CAST: variants seen among roughly 807,000 people sequenced by gnomAD.
CAST encodes calpastatin, also known as MIR583 host.
CAST carries 76 observed loss-of-function variants against 119.6 expected under a neutral mutation model. That is an observed-to-expected ratio of 0.64 (90% CI 0.53 to 0.77). The LOEUF is 0.77. CAST is among the 30% of genes least tolerant of loss of function. The pLI is 0.00. For synonymous variants in CAST, 319 were observed against 331.6 expected, an observed-to-expected ratio of 0.96 and a Z score of 0.41; for missense variants, 953 against 946.5, an observed-to-expected ratio of 1.01 and a Z score of -0.09.
At chr5:96,632,668 G>GTCGAATAGTCGAAATAGTCGAAATAGT (rs368128254) in intron 1 of CAST, among the ~76,000 whole-genome samples, 1 of 151,936 alleles carries the variant, frequency 6.6e-6, no homozygotes, top group Non-Finnish European at 1.5e-5. Flanking sequence ...AGTGGTCTCA[G>GTCGAATAGTCGAAATAGTCGAAATAGT]CGCTATTTGT....
chr5:96,356,980 C>T, the CAST span, among the ~76,000 whole-genome samples: 511 of 152,198 alleles, frequency 3.4e-3, 2 homozygotes, highest in South Asian at 7.1e-3. Context: ...AATGTTTTTC[C>T]ATTTGTTTGT....
rs752292162 is a variant in CAST at position 96,737,859 on chromosome 5, A to ATGC, written c.715_717dup (p.Ala239dup). 1.3e-6 allele frequency: 2 copies of ATGC among 1,581,474 alleles called. No homozygotes were observed. The highest frequency in any genetic ancestry group is 1.7e-6 in the Non-Finnish European group (2 of 1,151,134). ...TTCTTTCTTTTCCAGTCAGGCATGG[A>ATGC]TGCTGCTTTGGATGACTTAATAGAT... On this transcript the variant is annotated inframe_insertion, in exon 11 of 32. Transcript: ENST00000675179.
the CAST span, among the ~76,000 whole-genome samples, chr5:96,474,851 A>G: frequency 3.9e-4 from 59 of 152,352 alleles, no homozygotes; most frequent in Non-Finnish European, 7.6e-4. Flanking sequence ...TTGCCTTTGA[A>G]TAATGAGATG....
the CAST span, among the ~76,000 whole-genome samples, chr5:96,480,311 G>T: frequency 5.3e-5 from 8 of 152,128 alleles, no homozygotes; most frequent in Admixed American, 1.3e-4. Context: ...TAAGTACAAT[G>T]TAGAGGCATT....
At chr5:96,663,238 C>G in intron 1 of CAST, 2 of 702,464 alleles carry the variant, frequency 2.8e-6, no homozygotes. Flanking sequence ...TTTGCTTTGC[C>G]CTTCTGGGCG....
the CAST span, chr5:95,961,669 G>A: frequency 2.1e-4 from 333 of 1,608,398 alleles, no homozygotes; most frequent in Non-Finnish European, 2.6e-4. Context: ...CCGTCCGCAC[G>A]ACAGCCCATA....
At chr5:96,069,844 G>A in the CAST span, among the ~76,000 whole-genome samples, 59 of 150,570 alleles carry the variant, frequency 3.9e-4, no homozygotes, top group African/African-American at 1.2e-3. Flanking sequence ...ATGTAGATGC[G>A]GAGATTGGCA....
the CAST span, chr5:96,079,278 C>T: frequency 1.1e-4 from 37 of 346,696 alleles, no homozygotes; most frequent in Non-Finnish European, 1.2e-5. Flanking sequence ...TCCCACTTAC[C>T]AAATGGCATC....
At chr5:96,147,795 C>A in the CAST span, among the ~76,000 whole-genome samples, 2 of 152,196 alleles carry the variant, frequency 1.3e-5, no homozygotes, top group African/African-American at 4.8e-5. Context: ...ATTACTTATG[C>A]TGCCGTAGTC....
At chr5:96,064,968 G>T in the CAST span, among the ~76,000 whole-genome samples, 1 of 152,014 alleles carries the variant, frequency 6.6e-6, no homozygotes, top group Non-Finnish European at 1.5e-5. Context: ...TCCTCTTTCC[G>T]CTGACTTCAC....
chr5:96,081,005 T>C, the CAST span, among the ~76,000 whole-genome samples: 1 of 152,202 alleles, frequency 6.6e-6, no homozygotes, highest in Non-Finnish European at 1.5e-5. Flanking sequence ...TTTCTTTTCT[T>C]GGATTGTAAG....
chr5:96,540,086 C>T (rs1745884638), intron 1 of CAST, among the ~76,000 whole-genome samples: 1 of 151,916 alleles, frequency 6.6e-6, no homozygotes, highest in Admixed American at 6.6e-5. Flanking sequence ...CAATATATTC[C>T]CATTTCTCCC....
chr5:96,337,204 A>G, the CAST span, among the ~76,000 whole-genome samples: 2 of 152,128 alleles, frequency 1.3e-5, no homozygotes, highest in Non-Finnish European at 2.9e-5. Flanking sequence ...GAAATGAATC[A>G]CACAACCACA....
chr5:96,061,915 A>G, the CAST span, among the ~76,000 whole-genome samples: 7 of 152,198 alleles, frequency 4.6e-5, no homozygotes, highest in African/African-American at 1.7e-4. Flanking sequence ...CCGAGTGGAC[A>G]GAATGACTTA....
the CAST span, among the ~76,000 whole-genome samples, chr5:96,387,233 T>C: frequency 1.3e-5 from 2 of 152,356 alleles, no homozygotes; most frequent in Admixed American, 1.3e-4. Context: ...TTTTTGGCCC[T>C]TTAATGATTA....
chr5:96,173,837 T>C, the CAST span, among the ~76,000 whole-genome samples: 1 of 151,728 alleles, frequency 6.6e-6, no homozygotes, highest in Admixed American at 6.6e-5. Context: ...GCCTCACGGG[T>C]TCACACCATT....
chr5:96,160,410 G>A, the CAST span, among the ~76,000 whole-genome samples: 1 of 152,016 alleles, frequency 6.6e-6, no homozygotes, highest in East Asian at 1.9e-4. Flanking sequence ...ATGATTTCAA[G>A]GTTCATCCAT....
At chr5:96,187,583 A>G in the CAST span, among the ~76,000 whole-genome samples, 43 of 152,154 alleles carry the variant, frequency 2.8e-4, no homozygotes, top group Middle Eastern at 3.4e-3. Flanking sequence ...CTTGTTTTCT[A>G]TCTTAATTTC....
At chr5:96,499,649 G>A in the CAST span, among the ~76,000 whole-genome samples, 2 of 152,212 alleles carry the variant, frequency 1.3e-5, no homozygotes, top group African/African-American at 4.8e-5. Context: ...TGAAAGATTT[G>A]TCTGGACTAT....
Sources: gnomAD v4.1 joint callset for allele counts (sites outside exome capture counted in the v4.1 genomes callset) on GRCh38, gnomAD v4.1.1 for gene constraint, MANE v1.5 for transcripts, NCBI Gene and HGNC (gene_info 2026-07-23, HGNC 2026-07-21) for gene names.